PGR: variants seen among roughly 807,000 people sequenced by gnomAD.
PGR encodes the protein progesterone receptor.
Under a neutral mutation model 76.1 loss-of-function variants are expected in PGR, and 25 were observed. That is an observed-to-expected ratio of 0.33 (90% confidence interval 0.24 to 0.46). The LOEUF is 0.46. Among genes scored for constraint, PGR ranks in the 20% least tolerant of loss-of-function variants. The probability of loss-of-function intolerance (pLI) is 1.00; values close to 1 mark genes in which losing one functional copy is unlikely to be tolerated. For synonymous variants in PGR, 579 were observed against 535.0 expected (o/e 1.08, Z -1.14); for missense variants, 1,172 against 1,225.3 (o/e 0.96, Z 0.65).
chr11:101,048,533 A>G (rs971705613), intron 6 of PGR, among the ~76,000 whole-genome samples: 5 of 152,136 alleles, frequency 3.3e-5, no homozygotes, highest in Non-Finnish European at 1.5e-5. Context: ...TACTGTAGGC[A>G]GCTGTAACAC....
chr11:101,085,323 T>C (rs1437968087), intron 3 of PGR, among the ~76,000 whole-genome samples: 1 of 151,654 alleles, frequency 6.6e-6, no homozygotes, highest in African/African-American at 2.4e-5. Context: ...ATTAAAAAGT[T>C]TGCTCTGGAT....
intron 2 of PGR, among the ~76,000 whole-genome samples, chr11:101,120,927 A>G (rs1193137547): frequency 1.3e-5 from 2 of 152,240 alleles, no homozygotes; most frequent in East Asian, 3.8e-4. Flanking sequence ...GTATTAAAGT[A>G]CATGTTCTGA....
chr11:101,081,596 G>A (rs1861310358), intron 3 of PGR, among the ~76,000 whole-genome samples: 1 of 152,100 alleles, frequency 6.6e-6, no homozygotes, highest in South Asian at 2.1e-4. Context: ...GAGAGATTGG[G>A]GGCCTGTTTT....
intron 2 of PGR, among the ~76,000 whole-genome samples, chr11:101,120,391 A>G (rs959283481): frequency 3.3e-5 from 5 of 152,218 alleles, no homozygotes; most frequent in African/African-American, 1.2e-4. Context: ...TTCATTTAGA[A>G]CTGTATCAAA....
chr11:101,083,274 T>C (rs543962444), intron 3 of PGR, among the ~76,000 whole-genome samples: 1 of 152,232 alleles, frequency 6.6e-6, no homozygotes, highest in East Asian at 1.9e-4. Context: ...TTTCAGAGGA[T>C]GTATGGAAAT....
In PGR at chr11:101,031,044, G is replaced by A. The variant is rs1859335022; in HGVS notation, c.*8072C>T. 1 of 192,888 alleles carries A rather than the reference G, an allele frequency of 5.2e-6. No individual in the cohort carries two copies. Among genetic ancestry groups the A allele is most frequent in the Admixed American group, 6.1e-5 (1 of 16,336 alleles). The allele number at this position is 192,888 out of a possible 1,614,324, so 11.9% of individuals were successfully genotyped here. ...CTTAGAGAAGCTTGGATTTAGTGTG[G>A]TGGCAGCTGAGTGGAGGCTTAGCAG... On this transcript the variant is annotated 3_prime_UTR_variant, in exon 8 of 8. Transcript: ENST00000325455.
chr11:101,100,414 A>G (rs1283394292), intron 2 of PGR, among the ~76,000 whole-genome samples: 1 of 152,168 alleles, frequency 6.6e-6, no homozygotes, highest in Non-Finnish European at 1.5e-5. Flanking sequence ...TCTTTCTTTT[A>G]TAAATTACCC....
At chr11:101,052,661 G>C (rs1307506374) in intron 4 of PGR, among the ~76,000 whole-genome samples, 1 of 152,114 alleles carries the variant, frequency 6.6e-6, no homozygotes, top group East Asian at 1.9e-4. Context: ...TCTGGAGTTA[G>C]GGAGGACAGT....
At chr11:101,091,635 T>A in intron 3 of PGR, 125 bp downstream of exon 3, 1 of 698,992 alleles carries the variant, frequency 1.4e-6, no homozygotes, top group Non-Finnish European at 2.6e-6. Context: ...ATGTGCAGAG[T>A]CACTGCCAAT....
In PGR at chr11:101,035,148, T is replaced by A; in HGVS notation, c.*3968A>T. The A allele has an allele frequency of 4.7e-6, 1 of 211,554 alleles. No homozygotes were observed. The highest frequency in any genetic ancestry group is 2.3e-5 in the African/African-American group (1 of 43,766). 13.1% of individuals were successfully genotyped at this position (211,554 alleles called of 1,614,324 possible). Reference sequence around the variant, plus strand: ...CTTTGGGAAAAACAAACTTATGCCATTACTTGTCTCCTTGTCCACTTCACT... The same window carrying A: ...CTTTGGGAAAAACAAACTTATGCCAATACTTGTCTCCTTGTCCACTTCACT... On this transcript the variant is annotated 3_prime_UTR_variant, in exon 8 of 8. Transcript: ENST00000325455.
intron 3 of PGR, among the ~76,000 whole-genome samples, chr11:101,079,890 C>G (rs1861245549): frequency 6.6e-6 from 1 of 152,132 alleles, no homozygotes; most frequent in Admixed American, 6.5e-5. Context: ...CCTCTCTATT[C>G]CATGCCAAAG....
In PGR at chr11:101,037,206, C is replaced by A. The variant is rs976321614; in HGVS notation, c.*1910G>T. ...TGTTATTTAATATTTAAAGTTAGTA[C>A]CTTTGTGCTGCATGGGTATCAGTAA... On this transcript the variant is annotated 3_prime_UTR_variant, in exon 8 of 8. Coordinates refer to ENST00000325455, the MANE Select transcript of PGR (RefSeq NM_000926.4). 1 of 211,552 alleles carries A rather than the reference C, an allele frequency of 4.7e-6. No individual in the cohort carries two copies. The highest frequency in any genetic ancestry group is 7.1e-5 in the East Asian group (1 of 14,002). The allele number at this position is 211,552 out of a possible 1,614,324, so 13.1% of individuals were successfully genotyped here. A position where few individuals can be genotyped will look rare whatever the true frequency, so the allele number is the denominator to read the frequency against.
chr11:101,050,375 G>A (rs889518333), intron 5 of PGR, among the ~76,000 whole-genome samples: 7 of 152,074 alleles, frequency 4.6e-5, no homozygotes, highest in Non-Finnish European at 8.8e-5. Flanking sequence ...CACAGCAGAG[G>A]TGTAGGAGTT....
At position 101,039,002 on chromosome 11, in the gene PGR, G is replaced by A; in HGVS notation, c.*114C>T. 1 of 728,576 alleles carries A rather than the reference G, an allele frequency of 1.4e-6. No individual in the cohort carries two copies. The highest frequency in any genetic ancestry group is 2.3e-6 in the Non-Finnish European group (1 of 429,824). 45.1% of individuals were successfully genotyped at this position (728,576 alleles called of 1,614,324 possible). A position where few individuals can be genotyped will look rare whatever the true frequency, so the allele number is the denominator to read the frequency against. ...TTCTTTTAAATTTACACACTATGAT[G>A]TTATAAATGTAAGGCTTTCAGAAGA... On this transcript the variant is annotated 3_prime_UTR_variant, in exon 8 of 8. Coordinates refer to ENST00000325455, the MANE Select transcript of PGR (RefSeq NM_000926.4).
chr11:101,118,010 A>T (rs1201259120), intron 2 of PGR, among the ~76,000 whole-genome samples: 1 of 152,206 alleles, frequency 6.6e-6, no homozygotes, highest in Non-Finnish European at 1.5e-5. Flanking sequence ...CACTTATAGC[A>T]CCCTAAGTCT....
intron 2 of PGR, among the ~76,000 whole-genome samples, chr11:101,100,486 T>G (rs974453619): frequency 6.6e-6 from 1 of 152,142 alleles, no homozygotes; most frequent in African/African-American, 2.4e-5. Context: ...GGAATGAGAT[T>G]GTTCTTCTGA....
At chr11:101,071,059 C>G (rs550402621) in intron 3 of PGR, among the ~76,000 whole-genome samples, 1 of 152,282 alleles carries the variant, frequency 6.6e-6, no homozygotes, top group East Asian at 1.9e-4. Context: ...CGACAGACAC[C>G]TCACACAGGA....
At chr11:101,117,838 A>G (rs1862558311) in intron 2 of PGR, among the ~76,000 whole-genome samples, 1 of 152,200 alleles carries the variant, frequency 6.6e-6, no homozygotes, top group Non-Finnish European at 1.5e-5. Context: ...GGGTAAGTTA[A>G]CTAACTTCTG....
At chr11:101,040,583 T>G (rs1859663814) in intron 7 of PGR, among the ~76,000 whole-genome samples, 1 of 152,094 alleles carries the variant, frequency 6.6e-6, no homozygotes, top group East Asian at 1.9e-4. Flanking sequence ...CTCCACTGTC[T>G]TCTGGCTTCC....
Sources: gnomAD v4.1 joint callset for allele counts (sites outside exome capture counted in the v4.1 genomes callset) on GRCh38, gnomAD v4.1.1 for gene constraint, MANE v1.5 for transcripts, NCBI Gene and HGNC (gene_info 2026-07-23, HGNC 2026-07-21) for gene names.